The following PDZRN4 variants were observed in gnomAD, a reference collection of about 807,000 sequenced individuals.
The protein encoded by PDZRN4 is PDZ domain-containing RING finger protein 4.
Under a neutral mutation model 99.0 loss-of-function variants are expected in PDZRN4, and 70 were observed. That is an observed-to-expected ratio of 0.71 (90% CI 0.58 to 0.86). The LOEUF is 0.86. PDZRN4 is among the 40% of genes least tolerant of loss of function. PDZRN4 has a pLI of 0.00. For synonymous variants in PDZRN4, 551 were observed against 501.6 expected (o/e 1.10, Z -1.32); for missense variants, 1,474 against 1,331.2 (o/e 1.11, Z -1.67).
chr12:41,339,116 T>A (rs1951796934), intron 3 of PDZRN4, among the ~76,000 whole-genome samples: 1 of 134,436 alleles, frequency 7.4e-6, no homozygotes, highest in African/African-American at 2.7e-5. Context: ...GCAGCCAAAG[T>A]CATTCCGAGC....
At chr12:41,246,147 T>A (rs1228148335) in intron 3 of PDZRN4, among the ~76,000 whole-genome samples, 2 of 152,330 alleles carry the variant, frequency 1.3e-5, no homozygotes, top group East Asian at 3.9e-4. Flanking sequence ...TTTTGATAAT[T>A]TGCTTTGATG....
chr12:41,413,774 A>G (rs572511552), intron 3 of PDZRN4, among the ~76,000 whole-genome samples: 1 of 151,964 alleles, frequency 6.6e-6, no homozygotes, highest in South Asian at 2.1e-4. Flanking sequence ...CCAACTTGCC[A>G]CTCTCTGACT....
chr12:41,246,468 C>T (rs1375662949), intron 3 of PDZRN4, among the ~76,000 whole-genome samples: 2 of 152,168 alleles, frequency 1.3e-5, no homozygotes, highest in East Asian at 3.9e-4. Context: ...TTATTGGGTT[C>T]TTTCATGTGC....
At chr12:41,202,105 A>G (rs2120667191) in intron 3 of PDZRN4, among the ~76,000 whole-genome samples, 1 of 152,276 alleles carries the variant, frequency 6.6e-6, no homozygotes, top group Admixed American at 6.5e-5. Flanking sequence ...AAGATGGAAG[A>G]TATTTTCAAT....
intron 3 of PDZRN4, among the ~76,000 whole-genome samples, chr12:41,431,291 A>T (rs1952584052): frequency 6.6e-6 from 1 of 152,208 alleles, no homozygotes; most frequent in South Asian, 2.1e-4. Flanking sequence ...CAGCAAGTTC[A>T]TCTCTTGCAA....
intron 3 of PDZRN4, among the ~76,000 whole-genome samples, chr12:41,462,604 G>A (rs887592621): frequency 2.0e-5 from 3 of 152,134 alleles, no homozygotes; most frequent in Non-Finnish European, 4.4e-5. Flanking sequence ...CTCCTGCCTG[G>A]ATTCTGAAAT....
intron 3 of PDZRN4, among the ~76,000 whole-genome samples, chr12:41,198,418 G>A (rs1001504044): frequency 1.3e-5 from 2 of 152,096 alleles, no homozygotes; most frequent in Non-Finnish European, 2.9e-5. Context: ...CCAGAGTGGG[G>A]CTGAAGGTCT....
At chr12:41,385,933 C>A (rs1357775756) in intron 3 of PDZRN4, among the ~76,000 whole-genome samples, 1 of 152,116 alleles carries the variant, frequency 6.6e-6, no homozygotes, top group Non-Finnish European at 1.5e-5. Flanking sequence ...ACTGGCCAAC[C>A]AAATCGAGCT....
intron 3 of PDZRN4, among the ~76,000 whole-genome samples, chr12:41,344,306 A>T (rs959362093): frequency 6.6e-6 from 1 of 152,066 alleles, no homozygotes; most frequent in Non-Finnish European, 1.5e-5. Flanking sequence ...GTGTCTTAGG[A>T]AATAACTCTT....
At chr12:41,485,209 G>T (rs568138327) in intron 3 of PDZRN4, among the ~76,000 whole-genome samples, 117 of 152,298 alleles carry the variant, frequency 7.7e-4, no homozygotes, top group African/African-American at 2.1e-3. Context: ...TAGAGGGAAA[G>T]GGAGGACTTT....
At chr12:41,401,122 T>C (rs529249286) in intron 3 of PDZRN4, among the ~76,000 whole-genome samples, 2 of 152,216 alleles carry the variant, frequency 1.3e-5, no homozygotes, top group African/African-American at 4.8e-5. Context: ...TGAAATTTTC[T>C]GTGTAAATGT....
chr12:41,340,909 C>CA, intron 3 of PDZRN4, among the ~76,000 whole-genome samples: 1 of 151,396 alleles, frequency 6.6e-6, no homozygotes, highest in Non-Finnish European at 1.5e-5. Context: ...AAGGACACAA[C>CA]AAAAAAATAA....
chr12:41,346,178 T>C (rs920212846), intron 3 of PDZRN4, among the ~76,000 whole-genome samples: 5 of 152,134 alleles, frequency 3.3e-5, no homozygotes, highest in Non-Finnish European at 7.4e-5. Context: ...GGTTTATAAA[T>C]TGGGCCGGGC....
intron 3 of PDZRN4, among the ~76,000 whole-genome samples, chr12:41,233,265 G>A (rs1266643840): frequency 3.3e-5 from 5 of 152,018 alleles, no homozygotes; most frequent in Admixed American, 6.6e-5. Flanking sequence ...TTAGAATGGC[G>A]ATCATTAAAA....
At chr12:41,248,012 G>A (rs966386933) in intron 3 of PDZRN4, among the ~76,000 whole-genome samples, 28 of 152,290 alleles carry the variant, frequency 1.8e-4, no homozygotes, top group African/African-American at 6.5e-4. Context: ...ATGGCGAAAC[G>A]GGAAATGACT....
At chr12:41,233,304 A>T (rs571062817) in intron 3 of PDZRN4, among the ~76,000 whole-genome samples, 2 of 152,108 alleles carry the variant, frequency 1.3e-5, no homozygotes, top group Non-Finnish European at 2.9e-5. Flanking sequence ...GCTGGAGAGG[A>T]TGTGGAGAAA....
chr12:41,379,996 G>A (rs2121099553), intron 3 of PDZRN4, among the ~76,000 whole-genome samples: 1 of 151,988 alleles, frequency 6.6e-6, no homozygotes, highest in Non-Finnish European at 1.5e-5. Flanking sequence ...AGTTCTGTTA[G>A]CATTTGCTTG....
chr12:41,235,651 A>G (rs1184447060), intron 3 of PDZRN4, among the ~76,000 whole-genome samples: 1 of 152,176 alleles, frequency 6.6e-6, no homozygotes, highest in Non-Finnish European at 1.5e-5. Context: ...ATTTAGATGT[A>G]AAACATCTCA....
rs76512459 is a variant in PDZRN4 at position 41,516,307 on chromosome 12, G to A, written c.1203+6394G>A. On this transcript the variant is annotated intron_variant, in intron 5 of 9. Coordinates refer to ENST00000402685, the MANE Select transcript of PDZRN4 (RefSeq NM_001164595.2). ...ACTTGTAATTATCTGCACATCACCA[G>A]GAGGGCCCAGCACATGCCCTGGCAC... Among the ~76,000 whole-genome samples the A allele has an allele frequency of 2.6e-4, 39 of 152,114 alleles. No individual in the cohort carries two copies. In the East Asian group the frequency reaches 7.0e-3, roughly 27 times the overall value.
Sources: allele counts gnomAD v4.1 joint callset (sites outside exome capture counted in the v4.1 genomes callset), GRCh38; gene constraint gnomAD v4.1.1; transcripts MANE v1.5; gene names NCBI Gene and HGNC (gene_info 2026-07-23, HGNC 2026-07-21).